GMPS: variants seen among roughly 807,000 people sequenced by gnomAD.
GMPS encodes guanosine monophosphate synthase, also known as GMP synthase [glutamine-hydrolyzing].
GMPS carries 15 observed loss-of-function variants against 77.9 expected under a neutral mutation model. The ratio of observed to expected loss-of-function variants is 0.19; its 90% CI spans 0.13 to 0.30. GMPS has a LOEUF of 0.30. GMPS is among the 10% of genes least tolerant of loss of function. The pLI is 1.00. For synonymous variants in GMPS, 224 were observed against 275.9 expected (o/e 0.81, Z 1.86); for missense variants, 590 against 838.8 (o/e 0.70, Z 3.66).
intron 1 of GMPS, among the ~76,000 whole-genome samples, chr3:155,881,289 C>T (rs1037321551): frequency 2.1e-4 from 31 of 148,204 alleles, no homozygotes; most frequent in African/African-American, 6.9e-4. Flanking sequence ...TCTCCTGCTT[C>T]AGCCTCCCAA....
chr3:155,896,303 C>T (rs1263628327), intron 2 of GMPS, among the ~76,000 whole-genome samples: 1 of 152,186 alleles, frequency 6.6e-6, no homozygotes, highest in East Asian at 1.9e-4. Context: ...GCCACCATGC[C>T]TGGCGTTAGC....
chr3:155,942,356 G>A lies in GMPS; in HGVS notation c.*4664G>A, dbSNP rs553398865. ...GCCCGCCTCGGCCTCTCAGAGTGCTGGGATTACAGGCGTGAGCCACCACGC... is the reference window on the plus strand; with the variant it reads ...GCCCGCCTCGGCCTCTCAGAGTGCTAGGATTACAGGCGTGAGCCACCACGC... On this transcript the variant is annotated 3_prime_UTR_variant, in exon 16 of 16. Coordinates refer to ENST00000496455, the MANE Select transcript of GMPS (RefSeq NM_003875.3). 114 of 201,698 alleles carry A rather than the reference G, an allele frequency of 5.7e-4. 2 individuals are homozygous for A. The South Asian group carries it at 0.013, about 22-fold the overall frequency. 12.5% of individuals were successfully genotyped at this position (201,698 alleles called of 1,614,324 possible).
intron 2 of GMPS, among the ~76,000 whole-genome samples, chr3:155,897,488 A>G (rs1754630944): frequency 6.6e-6 from 1 of 151,998 alleles, no homozygotes; most frequent in Admixed American, 6.6e-5. Flanking sequence ...GTTGTAGAGT[A>G]TTTTGCTCTG....
upstream of GMPS, chr3:155,870,452 AG>A (rs1386551419): frequency 5.4e-6 from 1 of 186,352 alleles, no homozygotes; most frequent in Non-Finnish European, 1.1e-5. Context: ...CCTCCTCCCA[AG>A]GGCGGGCCGC....
chr3:155,912,574 A>C (rs1472689411), intron 7 of GMPS, among the ~76,000 whole-genome samples: 2 of 152,262 alleles, frequency 1.3e-5, no homozygotes, highest in Non-Finnish European at 2.9e-5. Flanking sequence ...GGATGTGCTT[A>C]GTATGGGTTT....
At chr3:155,879,527 A>C (rs1217465117) in intron 1 of GMPS, among the ~76,000 whole-genome samples, 1 of 152,020 alleles carries the variant, frequency 6.6e-6, no homozygotes, top group Admixed American at 6.6e-5. Flanking sequence ...TTGGCCTCTC[A>C]AAGTGCTGGG....
In GMPS at chr3:155,925,515, C is replaced by G. The variant is rs190748343; in HGVS notation, c.1560+149C>G. 4.3e-4 allele frequency: 236 copies of G among 543,582 alleles called. 2 individuals are homozygous for G. Among genetic ancestry groups the G allele is most frequent in the African/African-American group, 4.1e-3 (213 of 52,204 alleles). 33.7% of individuals were successfully genotyped at this position (543,582 alleles called of 1,614,324 possible). A position where few individuals can be genotyped will look rare whatever the true frequency, so the allele number is the denominator to read the frequency against. Reference sequence around the variant, plus strand: ...CGCCTCCTGGGTTCAAGCACTCTTTCTACTAATCTTGAAATAAGGATTACT... The same window carrying G: ...CGCCTCCTGGGTTCAAGCACTCTTTGTACTAATCTTGAAATAAGGATTACT... On this transcript the variant is annotated intron_variant, in intron 12 of 15. Coordinates refer to ENST00000496455, the MANE Select transcript of GMPS (RefSeq NM_003875.3).
At chr3:155,935,802 T>C (rs1401107911) in intron 14 of GMPS, among the ~76,000 whole-genome samples, 1 of 152,194 alleles carries the variant, frequency 6.6e-6, no homozygotes, top group East Asian at 1.9e-4. Flanking sequence ...TGATGTACCT[T>C]ACAGAGAAAA....
intron 4 of GMPS, 34 bp downstream of exon 4, chr3:155,903,994 A>G (rs760007141): frequency 1.2e-6 from 1 of 802,478 alleles, no homozygotes; most frequent in Admixed American, 3.0e-5. Context: ...GAACAATAGT[A>G]ATTAACTAAT....
intron 1 of GMPS, among the ~76,000 whole-genome samples, chr3:155,880,171 G>A (rs1754178801): frequency 1.3e-5 from 2 of 152,098 alleles, no homozygotes; most frequent in South Asian, 4.1e-4. Flanking sequence ...AAAGATTTGT[G>A]TAATTACCTA....
At chr3:155,930,551 A>G (rs1755587455) in intron 12 of GMPS, among the ~76,000 whole-genome samples, 1 of 152,046 alleles carries the variant, frequency 6.6e-6, no homozygotes, top group African/African-American at 2.4e-5. Context: ...AGCAAAAGAA[A>G]CTACCATCAG....
chr3:155,918,230 A>G (rs1413580740), intron 9 of GMPS, among the ~76,000 whole-genome samples: 1 of 152,182 alleles, frequency 6.6e-6, no homozygotes, highest in Non-Finnish European at 1.5e-5. Flanking sequence ...CAGGTGGATC[A>G]CTTGAAGCCA....
chr3:155,927,428 A>T (rs1228385669), intron 12 of GMPS, among the ~76,000 whole-genome samples: 3 of 152,236 alleles, frequency 2.0e-5, no homozygotes, highest in Admixed American at 1.3e-4. Flanking sequence ...TTCTTTTTAG[A>T]GAAGTGTTAC....
chr3:155,917,887 C>G (rs1199282035), intron 9 of GMPS, among the ~76,000 whole-genome samples: 1 of 152,020 alleles, frequency 6.6e-6, no homozygotes, highest in East Asian at 1.9e-4. Context: ...AACAAACAAA[C>G]AAACAAAACA....
At chr3:155,876,691 A>T (rs1188179270) in intron 1 of GMPS, among the ~76,000 whole-genome samples, 1 of 152,168 alleles carries the variant, frequency 6.6e-6, no homozygotes, top group Non-Finnish European at 1.5e-5. Context: ...TATTGTTCTG[A>T]GTTTGGCTCT....
chr3:155,906,714 C>CTA (rs10691429), intron 5 of GMPS, among the ~76,000 whole-genome samples: 31,975 of 151,896 alleles, frequency 0.21, 5,874 homozygotes, highest in African/African-American at 0.5. Context: ...TGGGTCAAAT[C>CTA]TAGTCTTTTG....
At chr3:155,882,307 G>C (rs76512219) in intron 1 of GMPS, among the ~76,000 whole-genome samples, 1,821 of 152,356 alleles carry the variant, frequency 0.012, 22 homozygotes, top group Non-Finnish European at 0.018. Context: ...CATAAGTACA[G>C]TGAAGAATAT....
chr3:155,872,603 G>A (rs1753931632), intron 1 of GMPS, among the ~76,000 whole-genome samples: 1 of 152,176 alleles, frequency 6.6e-6, no homozygotes, highest in Admixed American at 6.5e-5. Flanking sequence ...TTTGTTTCCA[G>A]AGTATATAAG....
At chr3:155,888,924 T>C (rs1416629650) in intron 1 of GMPS, among the ~76,000 whole-genome samples, 1 of 152,022 alleles carries the variant, frequency 6.6e-6, no homozygotes, top group Non-Finnish European at 1.5e-5. Context: ...TTTCTTTATG[T>C]TACCCAGGCT....
Sources: gnomAD v4.1 joint callset for allele counts (sites outside exome capture counted in the v4.1 genomes callset) on GRCh38, gnomAD v4.1.1 for gene constraint, MANE v1.5 for transcripts, NCBI Gene and HGNC (gene_info 2026-07-23, HGNC 2026-07-21) for gene names.